TAFA1: variants seen among roughly 807,000 people sequenced by gnomAD.
TAFA1 encodes the protein TAFA chemokine like family member 1.
Under a neutral mutation model 18.5 loss-of-function variants are expected in TAFA1, and 4 were observed. The observed-to-expected ratio is 0.22, with a 90% CI of 0.11 to 0.49. TAFA1 has a LOEUF of 0.49. TAFA1 is among the 20% of genes least tolerant of loss of function. The pLI is 0.98. For missense variants in TAFA1, 147 were observed against 169.0 expected (o/e 0.87, Z 0.72); for synonymous variants, 56 against 55.2 (o/e 1.01, Z -0.06).
intron 2 of TAFA1, among the ~76,000 whole-genome samples, chr3:68,368,934 G>A (rs771928135): frequency 2.3e-4 from 35 of 152,170 alleles, no homozygotes; most frequent in Non-Finnish European, 1.5e-5. Context: ...TTCTGGACTA[G>A]TGGATAGTGG....
intron 2 of TAFA1, among the ~76,000 whole-genome samples, chr3:68,034,023 AT>A (rs1437248630): frequency 1.3e-5 from 2 of 152,200 alleles, no homozygotes; most frequent in African/African-American, 4.8e-5. Flanking sequence ...AAAGATCTTC[AT>A]TGTGAAATCG....
chr3:68,379,602 C>A (rs1365990536), intron 2 of TAFA1, among the ~76,000 whole-genome samples: 1 of 152,046 alleles, frequency 6.6e-6, no homozygotes, highest in Non-Finnish European at 1.5e-5. Context: ...GCCAAGTCGT[C>A]TTCCAGGGAT....
intron 3 of TAFA1, among the ~76,000 whole-genome samples, chr3:68,500,468 A>G (rs1263125158): frequency 2.0e-5 from 3 of 152,132 alleles, no homozygotes. Flanking sequence ...GACCAGCAAT[A>G]ACAAACAGAT....
chr3:68,538,932 G>A (rs904187263), intron 4 of TAFA1, 52 bp downstream of exon 4: 2 of 1,594,006 alleles, frequency 1.3e-6, no homozygotes, highest in Non-Finnish European at 8.6e-7. Context: ...TGTACTATTT[G>A]AGTTTGTGCT....
chr3:68,282,413 T>C (rs1011100265), intron 2 of TAFA1, among the ~76,000 whole-genome samples: 1 of 127,706 alleles, frequency 7.8e-6, no homozygotes. Context: ...TGACAGTAAA[T>C]GTGTCATAAA....
rs112404821 is a variant in TAFA1, at chr3:68,070,481, C to A, written c.118+63737C>A. ...AGTGATGGGAGGGGCTGTGATGGGA[C>A]GGGCTGCCATGAAGACCTCTGACAT... is the stretch of plus-strand genomic sequence containing the variant. On this transcript the variant is annotated intron_variant, in intron 2 of 4. Transcript: ENST00000478136. Among the ~76,000 whole-genome samples, 11 of 152,166 alleles carry A rather than the reference C, an allele frequency of 7.2e-5. 1 individual carries two copies. The South Asian group carries it at 8.3e-4, about 11-fold the overall frequency.
intron 2 of TAFA1, among the ~76,000 whole-genome samples, chr3:68,171,589 C>CA (rs1195584141): frequency 1.3e-5 from 2 of 152,054 alleles, no homozygotes; most frequent in Non-Finnish European, 2.9e-5. Context: ...GAAAAGAAGC[C>CA]AATCAATAGA....
chr3:68,523,289 T>C (rs1336365285), intron 3 of TAFA1, among the ~76,000 whole-genome samples: 3 of 152,218 alleles, frequency 2.0e-5, no homozygotes. Flanking sequence ...AAACCTAACA[T>C]TTGTACTTTA....
At chr3:68,053,642 T>G (rs1300842797) in intron 2 of TAFA1, among the ~76,000 whole-genome samples, 1 of 152,142 alleles carries the variant, frequency 6.6e-6, no homozygotes, top group Non-Finnish European at 1.5e-5. Context: ...CAAATTAAGC[T>G]TCCAGCAAAG....
At chr3:68,243,829 A>T (rs983745942) in intron 2 of TAFA1, among the ~76,000 whole-genome samples, 1 of 152,172 alleles carries the variant, frequency 6.6e-6, no homozygotes, top group African/African-American at 2.4e-5. Context: ...GTGGTATGGT[A>T]AGTCCATTTT....
intron 2 of TAFA1, among the ~76,000 whole-genome samples, chr3:68,142,903 G>T (rs369903583): frequency 1.1e-5 from 1 of 92,426 alleles, no homozygotes; most frequent in Non-Finnish European, 2.2e-5. Flanking sequence ...TGACTCACGT[G>T]GGAAATCGTT....
At chr3:68,044,050 A>G (rs1341889217) in intron 2 of TAFA1, among the ~76,000 whole-genome samples, 2 of 152,068 alleles carry the variant, frequency 1.3e-5, no homozygotes, top group African/African-American at 4.8e-5. Context: ...TTAGGATTCT[A>G]CTCTTTGAAG....
chr3:68,380,866 T>G lies in TAFA1; in HGVS notation c.119-36414T>G, dbSNP rs1003901527. On this transcript the variant is annotated intron_variant, in intron 2 of 4. Coordinates refer to ENST00000478136, the MANE Select transcript of TAFA1 (RefSeq NM_213609.4). The stretch of plus-strand genomic sequence containing the variant: ...GCCCATGCCTATGTCCTGAATGGTA[T>G]TGCCTAGGTTTTCTTCTAGGGTTTT... Among the ~76,000 whole-genome samples the G allele has an allele frequency of 7.3e-5, 11 of 149,696 alleles. No individual in the cohort carries two copies. The Admixed American group carries it at 7.3e-4, about 10-fold the overall frequency.
intron 2 of TAFA1, among the ~76,000 whole-genome samples, chr3:68,365,033 T>C (rs973940884): frequency 6.6e-6 from 1 of 152,182 alleles, no homozygotes; most frequent in Non-Finnish European, 1.5e-5. Context: ...ACCTTGATCA[T>C]GAAGCTGAAA....
intron 2 of TAFA1, among the ~76,000 whole-genome samples, chr3:68,411,973 C>G (rs36093298): frequency 0.16 from 24,050 of 151,970 alleles, 2,471 homozygotes; most frequent in East Asian, 0.34. Flanking sequence ...CTGTGTCCAC[C>G]AAGACCTATT....
intron 3 of TAFA1, among the ~76,000 whole-genome samples, chr3:68,526,483 A>G (rs1046845886): frequency 6.6e-6 from 1 of 152,206 alleles, no homozygotes; most frequent in Non-Finnish European, 1.5e-5. Context: ...TTTTCTGAGC[A>G]TAATTTAATA....
At chr3:68,394,836 C>G (rs1252290492) in intron 2 of TAFA1, among the ~76,000 whole-genome samples, 1 of 151,968 alleles carries the variant, frequency 6.6e-6, no homozygotes, top group Non-Finnish European at 1.5e-5. Context: ...GTCCTAAAAC[C>G]ATAAAAACTC....
At chr3:68,121,557 G>T (rs998078339) in intron 2 of TAFA1, among the ~76,000 whole-genome samples, 1 of 152,180 alleles carries the variant, frequency 6.6e-6, no homozygotes, top group South Asian at 2.1e-4. Context: ...AACAGAGTGT[G>T]TTTGGAGTGC....
At chr3:68,053,239 G>A (rs1465973898) in intron 2 of TAFA1, among the ~76,000 whole-genome samples, 1 of 152,078 alleles carries the variant, frequency 6.6e-6, no homozygotes, top group Non-Finnish European at 1.5e-5. Flanking sequence ...TAGTGTGTTG[G>A]GAAACAGAGT....
Sources: gnomAD v4.1 joint callset for allele counts (sites outside exome capture counted in the v4.1 genomes callset) on GRCh38, gnomAD v4.1.1 for gene constraint, MANE v1.5 for transcripts, NCBI Gene and HGNC (gene_info 2026-07-23, HGNC 2026-07-21) for gene names.